Variants in NARS2 observed in about 807,000 individuals in gnomAD.
NARS2 encodes the protein asparaginyl-tRNA synthetase 2, mitochondrial.
Under a neutral mutation model 62.9 loss-of-function variants are expected in NARS2, and 60 were observed. That is an observed-to-expected ratio of 0.95 (90% confidence interval 0.77 to 1.18). The LOEUF (loss-of-function observed/expected upper bound fraction) is 1.18, where lower values mean the gene tolerates loss of function less well. Ranked by LOEUF, NARS2 falls within the 50% of genes most tolerant of loss-of-function variation. NARS2 has a pLI of 0.00. For synonymous variants in NARS2, 196 were observed against 200.0 expected (o/e 0.98, Z 0.17); for missense variants, 619 against 576.4 (o/e 1.07, Z -0.76).
At chr11:78,541,886 C>T (rs184306023) in intron 5 of NARS2, among the ~76,000 whole-genome samples, 63 of 152,270 alleles carry the variant, frequency 4.1e-4, no homozygotes, top group Non-Finnish European at 6.6e-4. Flanking sequence ...ACGTAAAAAC[C>T]AAAGCCAAGG....
intron 6 of NARS2, among the ~76,000 whole-genome samples, chr11:78,510,984 T>C (rs1860700384): frequency 6.6e-6 from 1 of 152,210 alleles, no homozygotes; most frequent in Non-Finnish European, 1.5e-5. Flanking sequence ...AGATCGGTGG[T>C]TGCCTAAGAG....
chr11:78,566,970 C>CTTTT (rs10629581), intron 3 of NARS2, among the ~76,000 whole-genome samples: 107,493 of 151,536 alleles, frequency 0.71, 38,694 homozygotes, highest in Non-Finnish European at 0.79. Flanking sequence ...CTCATCCATT[C>CTTTT]TAAGTCTTGT....
chr11:78,553,631 AG>A (rs1359798315), intron 5 of NARS2, among the ~76,000 whole-genome samples: 1 of 152,122 alleles, frequency 6.6e-6, no homozygotes, highest in African/African-American at 2.4e-5. Flanking sequence ...CTTCTAAGTA[AG>A]TTCCTTATAG....
chr11:78,521,513 G>A (rs553606557), intron 6 of NARS2, among the ~76,000 whole-genome samples: 119 of 151,942 alleles, frequency 7.8e-4, no homozygotes, highest in African/African-American at 2.5e-3. Context: ...GCCCGGGGCC[G>A]GGCGCGGTGG....
At chr11:78,546,208 C>T (rs1007842691) in intron 5 of NARS2, among the ~76,000 whole-genome samples, 7 of 152,204 alleles carry the variant, frequency 4.6e-5, no homozygotes, top group African/African-American at 1.4e-4. Flanking sequence ...ATGGCTGAAA[C>T]AGCTGAAGTG....
intron 13 of NARS2, among the ~76,000 whole-genome samples, chr11:78,437,296 A>G (rs889484601): frequency 6.6e-6 from 1 of 152,222 alleles, no homozygotes; most frequent in African/African-American, 2.4e-5. Flanking sequence ...ATAAGCTACA[A>G]CAGGGCAGGA....
Position 78,571,671 on chromosome 11 carries a change from G to A in NARS2, c.142-227C>T, listed in dbSNP as rs117341758. ...TTTTCGTAATAATGCACAACATTTCGAATGGATGCCTAACATTCCTTCATG... is the reference window on the plus strand; with the variant it reads ...TTTTCGTAATAATGCACAACATTTCAAATGGATGCCTAACATTCCTTCATG... On this transcript the variant is annotated intron_variant, in intron 1 of 13. Transcript: ENST00000281038. 17,427 of 414,442 alleles carry A rather than the reference G, an allele frequency of 0.042. 502 individuals are homozygous for A. The highest frequency in any genetic ancestry group is 0.06 in the Non-Finnish European group (13,579 of 226,536). The allele number at this position is 414,442 out of a possible 1,614,324, so 25.7% of individuals were successfully genotyped here. A position where few individuals can be genotyped will look rare whatever the true frequency, so the allele number is the denominator to read the frequency against.
chr11:78,526,707 T>G (rs1010525457), intron 6 of NARS2, among the ~76,000 whole-genome samples: 2 of 152,066 alleles, frequency 1.3e-5, no homozygotes, highest in Non-Finnish European at 2.9e-5. Flanking sequence ...TCACTGCGCT[T>G]TACTGGGAAA....
In NARS2 at chr11:78,574,830, A is replaced by T. The variant is rs10793337; in HGVS notation, c.-342T>A. 0.7 allele frequency: 172,234 copies of T among 247,806 alleles called. 61,978 individuals are homozygous for T. The highest frequency in any genetic ancestry group is 0.79 in the Non-Finnish European group (100,464 of 126,790). 15.4% of individuals were successfully genotyped at this position (247,806 alleles called of 1,614,324 possible). On this transcript the variant is annotated 5_prime_UTR_variant, in exon 1 of 14. Coordinates refer to ENST00000281038, the MANE Select transcript of NARS2 (RefSeq NM_024678.6). ...CGCAACACGCGCAACCACTCCTACC[A>T]CACCACGCCAACGCCGCTTACGTCA...
At chr11:78,570,572 G>C (rs909003731) in intron 2 of NARS2, among the ~76,000 whole-genome samples, 2 of 152,188 alleles carry the variant, frequency 1.3e-5, no homozygotes, top group Admixed American at 1.3e-4. Flanking sequence ...ATTTTTGGTA[G>C]AGACGGGGTT....
At position 78,574,757 on chromosome 11, in the gene NARS2, G is replaced by C; in HGVS notation, c.-269C>G. 2 of 441,842 alleles carry C rather than the reference G, an allele frequency of 4.5e-6. No homozygotes were observed. Among genetic ancestry groups the C allele is most frequent in the Non-Finnish European group, 8.1e-6 (2 of 247,626 alleles). The allele number at this position is 441,842 out of a possible 1,614,324, so 27.4% of individuals were successfully genotyped here. On this transcript the variant is annotated 5_prime_UTR_variant, in exon 1 of 14. Transcript: ENST00000281038. ...AAACCACGTGCAGTTGGCAGCTGGG[G>C]CGCCCCACTACCCGCGACAATTGTA...
rs992459815 is a variant in NARS2, at chr11:78,485,853, G to T, written c.823-7170C>A. ...GGCAGACTGCTGTTTTGAAGAGCGT[G>T]GATGTGGGTAATCTCTATTATTATT... On this transcript the variant is annotated intron_variant, in intron 7 of 13. Coordinates refer to ENST00000281038, the MANE Select transcript of NARS2 (RefSeq NM_024678.6). Among the ~76,000 whole-genome samples the T allele has an allele frequency of 6.6e-5, 10 of 152,074 alleles. No homozygotes were observed. In the South Asian group the frequency reaches 1.5e-3, roughly 22 times the overall value.
At chr11:78,470,256 C>T (rs1858811586) in intron 9 of NARS2, among the ~76,000 whole-genome samples, 2 of 152,192 alleles carry the variant, frequency 1.3e-5, no homozygotes, top group East Asian at 3.9e-4. Context: ...TAAAGTAAGT[C>T]AAAGCAAGTA....
chr11:78,478,675 C>G lies in NARS2; in HGVS notation c.831G>C (p.Glu277Asp). 1 of 1,601,642 alleles carries G rather than the reference C, an allele frequency of 6.2e-7. No individual in the cohort carries two copies. The highest frequency in any genetic ancestry group is 8.5e-7 in the Non-Finnish European group (1 of 1,172,040). The stretch of plus-strand genomic sequence containing the variant: ...TCATTGTTGTAGCCTTGAACAGTTC[C>G]TCTATAACCTAAGAGAAATGAAATA... Reference protein sequence around the residue: ...DSLQDLMQVIEELFKATTMMV... With the variant: ...DSLQDLMQVIDELFKATTMMV... Residue 277 changes from glutamate (E) to aspartate (D), a missense_variant, in exon 8 of 14, where the codon GAG becomes GAC. Transcript: ENST00000281038.
chr11:78,469,771 A>AGC (rs1327461838), intron 9 of NARS2, among the ~76,000 whole-genome samples: 1 of 147,902 alleles, frequency 6.8e-6, no homozygotes, highest in Non-Finnish European at 1.5e-5. Context: ...TGTCAGAGAG[A>AGC]GAGAGAGCGA....
chr11:78,563,843 A>ATATAT (rs1162996794), intron 4 of NARS2, among the ~76,000 whole-genome samples: 9 of 75,298 alleles, frequency 1.2e-4, no homozygotes, highest in African/African-American at 5.0e-4. Context: ...AAAAAAAAAA[A>ATATAT]AAAAAAAAAT....
intron 5 of NARS2, 29 bp from the exon 6 acceptor site, chr11:78,528,965 A>C (rs1417907692): frequency 1.4e-6 from 2 of 1,417,566 alleles, no homozygotes; most frequent in African/African-American, 1.4e-5. Flanking sequence ...AGCCACAAAA[A>C]ACTATTAAAT....
intron 6 of NARS2, among the ~76,000 whole-genome samples, chr11:78,494,900 G>A (rs1859992060): frequency 6.6e-6 from 1 of 152,022 alleles, no homozygotes; most frequent in Non-Finnish European, 1.5e-5. Context: ...ACTCAACCAA[G>A]ACAGATCCCA....
intron 6 of NARS2, among the ~76,000 whole-genome samples, chr11:78,497,553 A>C (rs1860114089): frequency 2.0e-5 from 3 of 152,236 alleles, no homozygotes; most frequent in Admixed American, 2.0e-4. Flanking sequence ...CATTGACCTT[A>C]AGTGAACTCC....
Sources: allele counts gnomAD v4.1 joint callset (sites outside exome capture counted in the v4.1 genomes callset), GRCh38; gene constraint gnomAD v4.1.1; transcripts MANE v1.5; gene names NCBI Gene and HGNC (gene_info 2026-07-23, HGNC 2026-07-21).